The following MSANTD3 variants were observed in gnomAD, a reference collection of about 807,000 sequenced individuals.
The protein encoded by MSANTD3 is myb/SANT-like DNA-binding domain-containing protein 3.
Under a neutral mutation model 27.7 loss-of-function variants are expected in MSANTD3, and 11 were observed. That is an observed-to-expected ratio of 0.40 (90% confidence interval 0.25 to 0.66). MSANTD3 has a LOEUF of 0.66. MSANTD3 is among the 30% of genes least tolerant of loss of function. The pLI is 0.41. For synonymous variants in MSANTD3, 131 were observed against 127.2 expected (o/e 1.03, Z -0.20); for missense variants, 250 against 336.5 (o/e 0.74, Z 2.01).
At position 100,447,040 on chromosome 9, in the gene MSANTD3, C is replaced by G. The variant is rs534744482; in HGVS notation, c.419-3517C>G. Among the ~76,000 whole-genome samples the G allele has an allele frequency of 4.5e-4, 69 of 152,176 alleles. No homozygotes were observed. The South Asian group carries it at 0.013, about 28-fold the overall frequency. On this transcript the variant is annotated intron_variant, in intron 2 of 2. Coordinates refer to ENST00000395067, the MANE Select transcript of MSANTD3 (RefSeq NM_080655.3). ...GCTTTTCCTGCTGATATTAAACTTA[C>G]TCCAGTTGTCCAAGTGAAAGAAAAG...
At chr9:100,450,505 T>TA in intron 2 of MSANTD3, 52 bp from the exon 3 acceptor site, 1 of 1,474,594 alleles carries the variant, frequency 6.8e-7, no homozygotes, top group South Asian at 1.4e-5. Flanking sequence ...GGTTTTTTTT[T>TA]TTCTCTGCCT....
Position 100,450,650 on chromosome 9 carries a change from C to T in MSANTD3, c.512C>T (p.Ser171Leu), listed in dbSNP as rs762011399. 11 of 1,613,878 alleles carry T rather than the reference C, an allele frequency of 6.8e-6. No individual in the cohort carries two copies. The highest frequency in any genetic ancestry group is 2.7e-5 in the African/African-American group (2 of 74,910). The part of the protein sequence containing the change: ...VCEGTSQPEP[S>L]CSAVRITANK... ...GAGGGGACCTCTCAACCTGAACCCT[C>T]GTGTTCAGCTGTCAGAATAACAGCC... is the stretch of plus-strand genomic sequence containing the variant. The change falls in exon 3 of 3, where the codon TCG becomes TTG. Residue 171 changes from serine (S) to leucine (L), a missense_variant. By Grantham distance (145) the Ser-to-Leu change is moderately radical (BLOSUM62 -2). Around this residue, in one of 3 missense-constraint regions of MSANTD3, gnomAD observed 235 missense variants for 299.3 expected, o/e 0.79. Coordinates refer to ENST00000395067, the MANE Select transcript of MSANTD3 (RefSeq NM_080655.3).
Position 100,450,656 on chromosome 9 carries a change from C to T in MSANTD3, c.518C>T (p.Ser173Leu). ...EGTSQPEPSC[S>L]AVRITANKNY... is the part of the protein sequence containing the mutation. ...ACCTCTCAACCTGAACCCTCGTGTT[C>T]AGCTGTCAGAATAACAGCCAATAAA... Residue 173 changes from serine to leucine, a missense_variant, in exon 3 of 3, where the codon TCA becomes TTA. Ser to Leu is a moderately radical substitution (Grantham distance 145, BLOSUM62 -2). Transcript: ENST00000395067. 1 of 1,614,090 alleles carries T rather than the reference C, an allele frequency of 6.2e-7. No homozygotes were observed. Among genetic ancestry groups the T allele is most frequent in the Non-Finnish European group, 8.5e-7 (1 of 1,180,000 alleles).
intron 2 of MSANTD3, among the ~76,000 whole-genome samples, chr9:100,443,906 C>G (rs1836691110): frequency 6.6e-6 from 1 of 152,174 alleles, no homozygotes; most frequent in Non-Finnish European, 1.5e-5. Flanking sequence ...AAGGACCCAG[C>G]AAGCACTTCC....
intron 2 of MSANTD3, among the ~76,000 whole-genome samples, chr9:100,445,617 A>T (rs1414049883): frequency 6.6e-6 from 1 of 152,140 alleles, no homozygotes; most frequent in East Asian, 1.9e-4. Flanking sequence ...CTTATATTGT[A>T]TTTCTGTTGG....
chr9:100,431,695 T>C (rs1254505690), intron 1 of MSANTD3, among the ~76,000 whole-genome samples: 1 of 152,150 alleles, frequency 6.6e-6, no homozygotes, highest in East Asian at 1.9e-4. Context: ...GCCTCGGAGC[T>C]CACCGTCAGA....
At chr9:100,433,206 C>T (rs1348517136) in intron 1 of MSANTD3, among the ~76,000 whole-genome samples, 1 of 152,192 alleles carries the variant, frequency 6.6e-6, no homozygotes, top group Non-Finnish European at 1.5e-5. Flanking sequence ...CTGTTTTGCT[C>T]TGAGCCTCAG....
chr9:100,440,590 A>ATTTT (rs71370998), intron 1 of MSANTD3, among the ~76,000 whole-genome samples: 1 of 135,288 alleles, frequency 7.4e-6, no homozygotes, highest in African/African-American at 2.7e-5. Context: ...AAAACGTCAA[A>ATTTT]TTTTTTTTTT....
chr9:100,431,096 G>A (rs1476170497), intron 1 of MSANTD3, among the ~76,000 whole-genome samples: 8 of 151,500 alleles, frequency 5.3e-5, no homozygotes, highest in Admixed American at 2.6e-4. Flanking sequence ...TCCACCTCCC[G>A]GGTTCAAGCA....
chr9:100,450,371 G>A (rs1279083906), intron 2 of MSANTD3, among the ~76,000 whole-genome samples, 186 bp from the exon 3 acceptor site: 1 of 152,096 alleles, frequency 6.6e-6, no homozygotes, highest in Non-Finnish European at 1.5e-5. Context: ...AGAAAAAATT[G>A]CTTTTGATTT....
chr9:100,429,311 CT>C (rs1836312560), intron 1 of MSANTD3, among the ~76,000 whole-genome samples: 1 of 152,126 alleles, frequency 6.6e-6, no homozygotes, highest in African/African-American at 2.4e-5. Context: ...CATTTCTTAG[CT>C]TTGTACATTT....
chr9:100,442,215 G>A lies in MSANTD3; in HGVS notation c.277G>A (p.Val93Met), dbSNP rs1443171232. 1 of 1,509,680 alleles carries A rather than the reference G, an allele frequency of 6.6e-7. No individual in the cohort carries two copies. The highest frequency in any genetic ancestry group is 2.5e-5 in the East Asian group (1 of 39,970). The allele number at this position is 1,509,680 out of a possible 1,614,324, so 93.5% of individuals were successfully genotyped here. Residue 93 changes from valine (V) to methionine (M), a missense_variant, in exon 2 of 3, where the codon GTG becomes ATG. By Grantham distance (21) the Val-to-Met change is conservative. Transcript: ENST00000395067. ...TATGGCCCATGAAAGGAGAGAGAAA[G>A]TGAAACGGAGCGTCAGCCCTCTCCT... ...KIMAHERREK[V>M]KRSVSPLLST... is the part of the protein sequence containing the mutation.
At chr9:100,434,501 G>T (rs1027848095) in intron 1 of MSANTD3, among the ~76,000 whole-genome samples, 1 of 152,166 alleles carries the variant, frequency 6.6e-6, no homozygotes, top group African/African-American at 2.4e-5. Context: ...CTCTACTCCA[G>T]CCTGGGCGAC....
At chr9:100,438,455 T>G (rs1446917494) in intron 1 of MSANTD3, among the ~76,000 whole-genome samples, 1 of 149,416 alleles carries the variant, frequency 6.7e-6, no homozygotes, top group African/African-American at 2.4e-5. Flanking sequence ...TACACACACA[T>G]ATAATGTATA....
intron 1 of MSANTD3, among the ~76,000 whole-genome samples, chr9:100,439,357 C>T (rs1480195997): frequency 6.6e-6 from 1 of 152,166 alleles, no homozygotes; most frequent in African/African-American, 2.4e-5. Context: ...ACTTAAAAGT[C>T]ACAGCCTCCC....
At position 100,445,209 on chromosome 9, in the gene MSANTD3, C is replaced by A. The variant is rs189549359; in HGVS notation, c.418+2853C>A. 1.7e-5 allele frequency: 28 copies of A among 1,608,986 alleles called. No individual in the cohort carries two copies. The African/African-American group carries it at 3.5e-4, about 20-fold the overall frequency. On this transcript the variant is annotated intron_variant, in intron 2 of 2. Coordinates refer to ENST00000395067, the MANE Select transcript of MSANTD3 (RefSeq NM_080655.3). ...GAAAAAGAAGCCTGGAATTGTCAAT[C>A]ATCCTTTCTGGGACTTGGTAGGAAA...
intron 1 of MSANTD3, among the ~76,000 whole-genome samples, chr9:100,434,650 C>T (rs1836438760): frequency 6.6e-6 from 1 of 152,186 alleles, no homozygotes; most frequent in African/African-American, 2.4e-5. Flanking sequence ...CAACTCTCTC[C>T]ATTCATATCC....
rs1030734390 is a variant in MSANTD3, at chr9:100,451,281, T to A, written c.*315T>A. On this transcript the variant is annotated 3_prime_UTR_variant, in exon 3 of 3. Transcript: ENST00000395067. The stretch of plus-strand genomic sequence containing the variant: ...GTTTTTTTTTTTAATCAAATGCAAG[T>A]GTGACTATAAAGGAGTGTGGCTGAT... The A allele has an allele frequency of 4.9e-5, 12 of 246,044 alleles. No individual in the cohort carries two copies. Among genetic ancestry groups the A allele is most frequent in the Admixed American group, 2.5e-4 (5 of 19,902 alleles). The allele number at this position is 246,044 out of a possible 1,614,324, so 15.2% of individuals were successfully genotyped here. A position where few individuals can be genotyped will look rare whatever the true frequency, so the allele number is the denominator to read the frequency against.
At chr9:100,442,651 T>C (rs565654679) in intron 2 of MSANTD3, among the ~76,000 whole-genome samples, 2 of 150,782 alleles carry the variant, frequency 1.3e-5, no homozygotes, top group Non-Finnish European at 3.0e-5. Flanking sequence ...CTACAAAAAA[T>C]AGAAAAAATT....
Sources: allele counts gnomAD v4.1 joint callset (sites outside exome capture counted in the v4.1 genomes callset), GRCh38; gene constraint gnomAD v4.1.1; regional missense constraint gnomAD v4.1.1; transcripts MANE v1.5; gene names NCBI Gene and HGNC (gene_info 2026-07-23, HGNC 2026-07-21).